Variants in METTL25 observed in about 807,000 individuals in gnomAD.
METTL25 encodes the protein probable methyltransferase-like protein 25.
A neutral mutation model predicts 71.6 loss-of-function variants in METTL25; 64 were observed. That is an observed-to-expected ratio of 0.89 (90% confidence interval 0.73 to 1.10). The LOEUF is 1.10. Among genes scored for constraint, METTL25 ranks in the 50% least tolerant of loss-of-function variants. The pLI, the probability that METTL25 is intolerant of heterozygous loss-of-function variation, is 0.00. For synonymous variants in METTL25, 287 were observed against 250.3 expected (o/e 1.15, Z -1.38); for missense variants, 807 against 707.0 (o/e 1.14, Z -1.60).
intron 9 of METTL25, among the ~76,000 whole-genome samples, chr12:82,461,730 A>G (rs997496807): frequency 1.3e-5 from 2 of 152,174 alleles, no homozygotes; most frequent in African/African-American, 4.8e-5. Flanking sequence ...TCAAGGAATG[A>G]TGAATCTTAC....
chr12:82,373,628 G>T (rs1051817951), intron 1 of METTL25, among the ~76,000 whole-genome samples: 23 of 152,260 alleles, frequency 1.5e-4, no homozygotes, highest in African/African-American at 5.3e-4. Context: ...AGTGAGTCTC[G>T]CTGGGGCGAC....
intron 1 of METTL25, among the ~76,000 whole-genome samples, chr12:82,384,724 T>A (rs1884794154): frequency 6.6e-6 from 1 of 152,170 alleles, no homozygotes; most frequent in African/African-American, 2.4e-5. Context: ...TCATGTTGGA[T>A]TGGATTTTTT....
chr12:82,394,821 G>GT (rs1885929755), intron 3 of METTL25, among the ~76,000 whole-genome samples: 1 of 151,948 alleles, frequency 6.6e-6, no homozygotes, highest in Non-Finnish European at 1.5e-5. Context: ...AGACCTCATT[G>GT]TAACGATAAT....
chr12:82,448,123 G>A (rs765549320), intron 8 of METTL25, among the ~76,000 whole-genome samples: 16 of 151,890 alleles, frequency 1.1e-4, no homozygotes, highest in Non-Finnish European at 2.2e-4. Flanking sequence ...GGAATTACTG[G>A]CCAGCAATAG....
intron 5 of METTL25, among the ~76,000 whole-genome samples, chr12:82,422,166 G>A (rs1272164278): frequency 2.6e-5 from 4 of 152,054 alleles, no homozygotes; most frequent in Admixed American, 6.6e-5. Flanking sequence ...CTGGCAACCC[G>A]AATCCAGCAG....
chr12:82,361,316 C>T (rs1269136840), intron 1 of METTL25, among the ~76,000 whole-genome samples: 3 of 152,194 alleles, frequency 2.0e-5, no homozygotes, highest in Non-Finnish European at 4.4e-5. Context: ...AAAGTTTATC[C>T]AAGTCCCCAC....
intron 4 of METTL25, among the ~76,000 whole-genome samples, chr12:82,402,107 A>G (rs1183690057): frequency 6.6e-6 from 1 of 152,058 alleles, no homozygotes; most frequent in Non-Finnish European, 1.5e-5. Context: ...GTGTGTGTAC[A>G]TTTAAATTAG....
intron 8 of METTL25, among the ~76,000 whole-genome samples, chr12:82,441,806 AACAC>A (rs57098687): frequency 0.065 from 8,698 of 133,934 alleles, 330 homozygotes; most frequent in Middle Eastern, 0.12. Flanking sequence ...AAAAAATAGA[AACAC>A]ACACACACAC....
intron 9 of METTL25, among the ~76,000 whole-genome samples, chr12:82,466,486 T>G (rs1287941452): frequency 6.6e-6 from 1 of 152,076 alleles, no homozygotes; most frequent in African/African-American, 2.4e-5. Context: ...TTTTTAAAAT[T>G]TTTGAGACTT....
intron 5 of METTL25, among the ~76,000 whole-genome samples, chr12:82,413,102 C>G (rs1348583293): frequency 6.6e-6 from 1 of 151,848 alleles, no homozygotes; most frequent in Non-Finnish European, 1.5e-5. Context: ...TTTTGGCCTT[C>G]CTATAAATCA....
chr12:82,456,061 T>G (rs1891468115), intron 8 of METTL25, among the ~76,000 whole-genome samples: 1 of 151,914 alleles, frequency 6.6e-6, no homozygotes, highest in South Asian at 2.1e-4. Flanking sequence ...GGTGTTAATA[T>G]TTATATTGCC....
chr12:82,391,843 A>G (rs1373283959), intron 3 of METTL25, among the ~76,000 whole-genome samples: 1 of 150,946 alleles, frequency 6.6e-6, no homozygotes, highest in Non-Finnish European at 1.5e-5. Context: ...TCTAATTTAC[A>G]TTCCCACCAA....
intron 5 of METTL25, among the ~76,000 whole-genome samples, chr12:82,423,056 G>A (rs900091917): frequency 5.3e-5 from 8 of 152,002 alleles, no homozygotes; most frequent in Admixed American, 2.0e-4. Flanking sequence ...AAGTTCATAT[G>A]GAACCAAAAA....
chr12:82,463,128 TAACTA>T (rs1323563752), intron 9 of METTL25, among the ~76,000 whole-genome samples: 1 of 152,034 alleles, frequency 6.6e-6, no homozygotes, highest in Non-Finnish European at 1.5e-5. Context: ...ATATTATTGT[TAACTA>T]TAGTCATCCT....
At chr12:82,425,350 A>G (rs551592838) in intron 5 of METTL25, among the ~76,000 whole-genome samples, 6 of 152,186 alleles carry the variant, frequency 3.9e-5, no homozygotes, top group African/African-American at 1.4e-4. Context: ...GCCTTTGTTC[A>G]AAGAAAGTAT....
chr12:82,432,252 A>T (rs919421411), intron 6 of METTL25, among the ~76,000 whole-genome samples: 3 of 151,688 alleles, frequency 2.0e-5, no homozygotes, highest in South Asian at 4.1e-4. Context: ...ATTATCTTAG[A>T]AATGTATTTA....
chr12:82,399,489 C>T, intron 4 of METTL25, 95 bp downstream of exon 4: 1 of 979,128 alleles, frequency 1.0e-6, no homozygotes, highest in East Asian at 2.5e-5. Flanking sequence ...TACTTGATCA[C>T]ATTAATCTAA....
intron 9 of METTL25, among the ~76,000 whole-genome samples, chr12:82,465,120 A>G (rs1008206771): frequency 3.3e-5 from 5 of 151,730 alleles, no homozygotes; most frequent in Non-Finnish European, 7.4e-5. Flanking sequence ...AATTGTTCTG[A>G]TTAGAACTTC....
Position 82,405,860 on chromosome 12 carries a change from A to G in METTL25, c.1279+2730A>G, listed in dbSNP as rs145577186. Among the ~76,000 whole-genome samples the G allele has an allele frequency of 5.9e-5, 9 of 152,318 alleles. No individual in the cohort carries two copies. In the East Asian group the frequency reaches 1.5e-3, roughly 26 times the overall value. ...CATTCACTCAAACGTGATTGAATAG[A>G]TGAATGTTTGTATAATGTGTGTCAA... On this transcript the variant is annotated intron_variant, in intron 5 of 11. Coordinates refer to ENST00000248306, the MANE Select transcript of METTL25 (RefSeq NM_032230.3).
Sources: allele counts gnomAD v4.1 joint callset (sites outside exome capture counted in the v4.1 genomes callset), GRCh38; gene constraint gnomAD v4.1.1; transcripts MANE v1.5; gene names NCBI Gene and HGNC (gene_info 2026-07-23, HGNC 2026-07-21).